Variants in SCN2A observed in about 807,000 individuals in gnomAD.
SCN2A encodes sodium voltage-gated channel alpha subunit 2.
A neutral mutation model predicts 188.7 loss-of-function variants in SCN2A; 20 were observed. The ratio of observed to expected loss-of-function variants is 0.11; its 90% CI spans 0.07 to 0.15. The LOEUF is 0.15. Ranked by LOEUF, SCN2A falls within the 10% of genes least tolerant of loss-of-function variation. The pLI, the probability that SCN2A is intolerant of heterozygous loss-of-function variation, is 1.00. For missense variants in SCN2A, 1,278 were observed against 2,445.0 expected (o/e 0.52, Z 10.07); for synonymous variants, 804 against 833.1 (o/e 0.97, Z 0.60).
chr2:165,366,847 TAA>T (rs1488904575), intron 18 of SCN2A, among the ~76,000 whole-genome samples: 2 of 152,118 alleles, frequency 1.3e-5, no homozygotes, highest in African/African-American at 4.8e-5. Context: ...TTAAGTGAAC[TAA>T]TCAGAATTCA....
At chr2:165,310,248 A>G in intron 6 of SCN2A, 75 bp from the exon 7 acceptor site, 2 of 1,454,006 alleles carry the variant, frequency 1.4e-6, no homozygotes, top group Middle Eastern at 1.8e-4. Context: ...TTCCAGGACA[A>G]GCTCATGATA....
intron 17 of SCN2A, among the ~76,000 whole-genome samples, chr2:165,364,844 A>G (rs1464048572): frequency 6.6e-6 from 1 of 152,140 alleles, no homozygotes. Flanking sequence ...TGATTATATG[A>G]CTCTGGCAGC....
chr2:165,356,105 G>A (rs13418017), intron 17 of SCN2A, among the ~76,000 whole-genome samples: 78 of 151,986 alleles, frequency 5.1e-4, no homozygotes, highest in African/African-American at 1.8e-3. Flanking sequence ...TGTAAGTTAC[G>A]TAGTATTGCT....
At chr2:165,387,711 A>G (rs1165048893) in intron 26 of SCN2A, among the ~76,000 whole-genome samples, 3 of 152,124 alleles carry the variant, frequency 2.0e-5, no homozygotes, top group Admixed American at 1.3e-4. Flanking sequence ...TAAATATAAG[A>G]AGATTTAAGA....
At position 165,381,134 on chromosome 2, in the gene SCN2A, A is replaced by G. The variant is rs773226137; in HGVS notation, c.4488A>G (p.Lys1496=). 2.5e-6 allele frequency: 4 copies of G among 1,593,672 alleles called. No individual in the cohort carries two copies. The highest frequency in any genetic ancestry group is 3.4e-6 in the Non-Finnish European group (4 of 1,169,052). ...TTTTTATGACAGAAGAACAGAAGAA[A>G]TACTACAATGCAATGAAAAAACTGG... The part of the protein sequence containing the change: ...QDIFMTEEQK[K]YYNAMKKLGS... Residue 1496 remains lysine, a synonymous_variant, in exon 25 of 27, where the codon AAA becomes AAG. Transcript: ENST00000375437.
At position 165,323,402 on chromosome 2, in the gene SCN2A, A is replaced by G; in HGVS notation, c.1918A>G (p.Met640Val). The G allele has an allele frequency of 1.2e-6, 2 of 1,614,114 alleles. No individual in the cohort carries two copies. The highest frequency in any genetic ancestry group is 1.7e-6 in the Non-Finnish European group (2 of 1,179,994). Residue 640 changes from methionine (M) to valine (V), a missense_variant, in exon 12 of 27, where the codon ATG (methionine) becomes GTG (valine). By Grantham distance (21) the Met-to-Val change is conservative (BLOSUM62 1). Coordinates refer to ENST00000375437, the MANE Select transcript of SCN2A (RefSeq NM_001040142.2). ...RASRVLPILP[M>V]NGKMHSAVDC... Reference sequence around the variant, plus strand: ...CTCCAGGGTGCTCCCCATCCTGCCCATGAATGGGAAGATGCATAGCGCTGT... The same window carrying G: ...CTCCAGGGTGCTCCCCATCCTGCCCGTGAATGGGAAGATGCATAGCGCTGT...
chr2:165,262,225 T>TA (rs1694626276), intron 1 of SCN2A, among the ~76,000 whole-genome samples: 1 of 152,134 alleles, frequency 6.6e-6, no homozygotes, highest in African/African-American at 2.4e-5. Context: ...ATTTCTTTTT[T>TA]AAAAAAATTT....
intron 1 of SCN2A, among the ~76,000 whole-genome samples, chr2:165,241,847 A>C (rs1446420041): frequency 6.6e-6 from 1 of 152,212 alleles, no homozygotes; most frequent in Non-Finnish European, 1.5e-5. Context: ...AGGATGTGAC[A>C]GTTAAATTAG....
chr2:165,334,712 A>G (rs1474526071), intron 14 of SCN2A, among the ~76,000 whole-genome samples: 3 of 151,830 alleles, frequency 2.0e-5, no homozygotes, highest in Non-Finnish European at 4.4e-5. Flanking sequence ...AGAAGAAGGC[A>G]AGGATATTTG....
At chr2:165,289,044 T>G (rs927147705) in intron 1 of SCN2A, among the ~76,000 whole-genome samples, 2 of 152,084 alleles carry the variant, frequency 1.3e-5, no homozygotes, top group Non-Finnish European at 2.9e-5. Flanking sequence ...GCACAAAATT[T>G]TCTAAGTCTT....
rs769496479 is a variant in SCN2A, at chr2:165,390,075, C to T, written c.*251C>T. 54 of 496,576 alleles carry T rather than the reference C, an allele frequency of 1.1e-4. No individual in the cohort carries two copies. The highest frequency in any genetic ancestry group is 1.9e-4 in the Admixed American group (5 of 26,448). The allele number at this position is 496,576 out of a possible 1,614,324, so 30.8% of individuals were successfully genotyped here. On this transcript the variant is annotated 3_prime_UTR_variant, in exon 27 of 27. Transcript: ENST00000375437. The stretch of plus-strand genomic sequence containing the variant: ...AGCTGACACTGCTGAAGAGCAGAGG[C>T]GTAATGGCTACTCAGACGATAGGAA...
chr2:165,246,050 A>C (rs1191837871), intron 1 of SCN2A, among the ~76,000 whole-genome samples: 5 of 151,166 alleles, frequency 3.3e-5, no homozygotes, highest in Non-Finnish European at 7.4e-5. Context: ...AACTGTGTGC[A>C]AAAAAAAACT....
intron 1 of SCN2A, chr2:165,294,256 GT>G: frequency 3.2e-6 from 1 of 308,000 alleles, no homozygotes; most frequent in Non-Finnish European, 4.7e-6. Flanking sequence ...CTGGCTGCAT[GT>G]TTTAGCATGT....
intron 5 of SCN2A, 181 bp from the exon 6 acceptor site, chr2:165,309,171 A>C (rs1442505968): frequency 6.2e-7 from 1 of 1,613,310 alleles, no homozygotes; most frequent in African/African-American, 1.3e-5. Context: ...ACAGGTATGT[A>C]ACAGAATTTG....
At chr2:165,303,492 G>T (rs1696952478) in intron 3 of SCN2A, among the ~76,000 whole-genome samples, 1 of 151,862 alleles carries the variant, frequency 6.6e-6, no homozygotes, top group African/African-American at 2.4e-5. Flanking sequence ...AGCCAGGGTG[G>T]TCTCGATCTC....
At chr2:165,283,862 A>G (rs889074727) in intron 1 of SCN2A, among the ~76,000 whole-genome samples, 3 of 152,190 alleles carry the variant, frequency 2.0e-5, no homozygotes, top group Non-Finnish European at 4.4e-5. Flanking sequence ...TTCAACATCC[A>G]TACACCCTGA....
rs10930159 is a variant in SCN2A, at chr2:165,331,976, G to A, written c.2388+408G>A. Among the ~76,000 whole-genome samples the A allele has an allele frequency of 1.0e-2, 1,520 of 152,110 alleles. 17 individuals carry two copies. The highest frequency in any genetic ancestry group is 0.034 in the African/African-American group (1,397 of 41,512). On this transcript the variant is annotated intron_variant, in intron 14 of 26. Coordinates refer to ENST00000375437, the MANE Select transcript of SCN2A (RefSeq NM_001040142.2). The stretch of plus-strand genomic sequence containing the variant: ...TTGTAAGTACTTGAAGATGGACTAT[G>A]TAGGGAGGGGACATCATCTGGGGGA...
At position 165,389,294 on chromosome 2, in the gene SCN2A, C is replaced by G. The variant is rs1350014793; in HGVS notation, c.5488C>G (p.Leu1830Val). The change falls in exon 27 of 27, where the codon CTC (leucine) becomes GTC (valine). Residue 1830 changes from leucine to valine, a missense_variant. Transcript: ENST00000375437. This position sits in a 1 kb window ranked among gnomAD's most constrained non-coding sequence, Gnocchi z 4.2. ...DFADALDPPLLIAKPNKVQLI... is the reference protein window; with the variant it reads ...DFADALDPPLVIAKPNKVQLI... The stretch of plus-strand genomic sequence containing the variant: ...TGCAGATGCCCTGGATCCTCCTCTT[C>G]TCATAGCAAAACCCAACAAAGTCCA... 1.2e-6 allele frequency: 2 copies of G among 1,613,970 alleles called. No homozygotes were observed. Among genetic ancestry groups the G allele is most frequent in the Admixed American group, 1.7e-5 (1 of 59,978 alleles).
At chr2:165,344,480 A>T in intron 15 of SCN2A, 75 bp from the exon 16 acceptor site, 3 of 922,988 alleles carry the variant, frequency 3.3e-6, no homozygotes, top group South Asian at 7.4e-5. Context: ...AAAAATAAAA[A>T]AATAAAAATA....
Sources: allele counts gnomAD v4.1 joint callset (sites outside exome capture counted in the v4.1 genomes callset), GRCh38; gene constraint gnomAD v4.1.1; non-coding constraint Gnocchi (gnomAD v3.1); transcripts MANE v1.5; gene names NCBI Gene and HGNC (gene_info 2026-07-23, HGNC 2026-07-21).